The following CHIC2 variants were observed in gnomAD, a reference collection of about 807,000 sequenced individuals.
CHIC2 encodes the protein cysteine rich hydrophobic domain 2.
In CHIC2, 14 loss-of-function variants were observed where a neutral mutation model predicts 25.9. The observed-to-expected ratio is 0.54, with a 90% CI of 0.36 to 0.85. The LOEUF is 0.85. CHIC2 is among the 40% of genes least tolerant of loss of function. The probability of loss-of-function intolerance (pLI) is 0.01; values close to 1 mark genes in which losing one functional copy is unlikely to be tolerated. For missense variants in CHIC2, 146 were observed against 202.0 expected, an observed-to-expected ratio of 0.72 and a Z score of 1.68; for synonymous variants, 70 against 72.0, an observed-to-expected ratio of 0.97 and a Z score of 0.14.
the CHIC2 span, among the ~76,000 whole-genome samples, chr4:54,088,780 C>A: frequency 1.7e-3 from 256 of 152,272 alleles, 1 homozygote; most frequent in African/African-American, 6.0e-3. Flanking sequence ...ATGGCTTGGA[C>A]CCGTGCGATA....
At chr4:54,058,549 T>TAC (rs35335887) in intron 1 of CHIC2, among the ~76,000 whole-genome samples, 11 of 127,006 alleles carry the variant, frequency 8.7e-5, no homozygotes, top group East Asian at 3.0e-4. Flanking sequence ...CATACACACA[T>TAC]ACACACACAT....
At chr4:54,087,596 C>G in the CHIC2 span, 2 of 755,626 alleles carry the variant, frequency 2.6e-6, no homozygotes, top group Non-Finnish European at 2.0e-6. Context: ...TTAAGGGGCA[C>G]ACACCTACTG....
chr4:54,052,694 G>A (rs1375089397), intron 1 of CHIC2, among the ~76,000 whole-genome samples: 2 of 152,044 alleles, frequency 1.3e-5, no homozygotes, highest in African/African-American at 4.8e-5. Context: ...TTATCTACAA[G>A]ACTAATTAAA....
chr4:54,036,584 T>C (rs569159043), intron 3 of CHIC2, among the ~76,000 whole-genome samples: 12 of 152,184 alleles, frequency 7.9e-5, no homozygotes, highest in East Asian at 1.9e-4. Flanking sequence ...CACGAGGCCC[T>C]ACCTCCAACA....
chr4:54,017,717 G>A (rs1420868622), intron 3 of CHIC2, among the ~76,000 whole-genome samples: 6 of 152,130 alleles, frequency 3.9e-5, no homozygotes, highest in Admixed American at 3.3e-4. Flanking sequence ...TTTTTTGTGT[G>A]AATGGCGTCA....
At chr4:54,076,540 T>A in the CHIC2 span, 1 of 152,226 alleles carries the variant, frequency 6.6e-6, no homozygotes, top group Non-Finnish European at 1.5e-5. Flanking sequence ...CCAAAGATTT[T>A]ACAATCCCAT....
At chr4:54,084,922 T>G in the CHIC2 span, among the ~76,000 whole-genome samples, 4 of 122,162 alleles carry the variant, frequency 3.3e-5, no homozygotes, top group African/African-American at 1.3e-4. Flanking sequence ...GTTTCACCAC[T>G]AAACTCCAGC....
intron 3 of CHIC2, among the ~76,000 whole-genome samples, chr4:54,046,997 C>G (rs566153871): frequency 4.3e-4 from 65 of 152,282 alleles, no homozygotes; most frequent in African/African-American, 1.5e-3. Context: ...AGGATATGAA[C>G]AGACACTTCT....
intron 5 of CHIC2, among the ~76,000 whole-genome samples, chr4:54,010,707 A>G (rs1715561761): frequency 6.6e-6 from 1 of 151,736 alleles, no homozygotes; most frequent in Non-Finnish European, 1.5e-5. Context: ...CCTTTATACC[A>G]CCCTACGTGA....
intron 3 of CHIC2, among the ~76,000 whole-genome samples, chr4:54,034,404 C>G (rs1022189314): frequency 2.1e-5 from 3 of 145,388 alleles, no homozygotes; most frequent in Non-Finnish European, 3.0e-5. Flanking sequence ...AACTCTGTCT[C>G]AAAAAAAAAA....
At chr4:54,087,538 G>T in the CHIC2 span, 3 of 1,162,268 alleles carry the variant, frequency 2.6e-6, no homozygotes, top group African/African-American at 4.8e-5. Flanking sequence ...AGAGGCCCCT[G>T]TATGCAGAAA....
At chr4:54,056,655 G>A (rs1254523797) in intron 1 of CHIC2, among the ~76,000 whole-genome samples, 1 of 152,068 alleles carries the variant, frequency 6.6e-6, no homozygotes, top group Non-Finnish European at 1.5e-5. Flanking sequence ...AAATAACAAA[G>A]TTAGGTTACC....
chr4:54,031,272 C>G (rs963200913), intron 3 of CHIC2, among the ~76,000 whole-genome samples: 9 of 151,634 alleles, frequency 5.9e-5, no homozygotes, highest in African/African-American at 2.2e-4. Flanking sequence ...TATACTGTAT[C>G]ACACTGCTCC....
the CHIC2 span, among the ~76,000 whole-genome samples, chr4:54,072,882 C>T: frequency 6.6e-6 from 1 of 152,144 alleles, no homozygotes; most frequent in African/African-American, 2.4e-5. Context: ...ACCACCCTGG[C>T]TAACACAGTG....
At chr4:54,024,969 C>T (rs1302319875) in intron 3 of CHIC2, among the ~76,000 whole-genome samples, 2 of 152,138 alleles carry the variant, frequency 1.3e-5, no homozygotes, top group African/African-American at 4.8e-5. Context: ...ACTCTAGGTT[C>T]CCACGCCGCC....
At chr4:54,073,058 A>T in the CHIC2 span, among the ~76,000 whole-genome samples, 1 of 150,744 alleles carries the variant, frequency 6.6e-6, no homozygotes, top group Non-Finnish European at 1.5e-5. Context: ...ACAGAGCGAG[A>T]CTCCGTCTAA....
At chr4:54,069,584 C>T (rs1333893664), upstream of CHIC2, among the ~76,000 whole-genome samples, 2 of 152,176 alleles carry the variant, frequency 1.3e-5, no homozygotes, top group African/African-American at 4.8e-5. Flanking sequence ...CACCGCTGGC[C>T]ATTGACTTAA....
chr4:54,069,665 A>C, the CHIC2 span, among the ~76,000 whole-genome samples: 2 of 152,194 alleles, frequency 1.3e-5, no homozygotes, highest in Admixed American at 6.5e-5. Context: ...CAGTCAACTC[A>C]CTAGAATACA....
the CHIC2 span, among the ~76,000 whole-genome samples, chr4:54,090,125 C>G: frequency 2.6e-5 from 4 of 152,154 alleles, no homozygotes; most frequent in Admixed American, 6.5e-5. Flanking sequence ...CATCTGGTCC[C>G]AAGCATTTCT....
Sources: allele counts gnomAD v4.1 joint callset (sites outside exome capture counted in the v4.1 genomes callset), GRCh38; gene constraint gnomAD v4.1.1; transcripts MANE v1.5; gene names NCBI Gene and HGNC (gene_info 2026-07-23, HGNC 2026-07-21).